The following MAPK4 variants were observed in gnomAD, a reference collection of about 807,000 sequenced individuals.
MAPK4 encodes the protein mitogen-activated protein kinase 4.
In MAPK4, 22 loss-of-function variants were observed where a neutral mutation model predicts 47.7. The ratio of observed to expected loss-of-function variants is 0.46; its 90% CI spans 0.33 to 0.66. MAPK4 has a LOEUF of 0.66. Among genes scored for constraint, MAPK4 ranks in the 30% least tolerant of loss-of-function variants. The pLI, the probability that MAPK4 is intolerant of heterozygous loss-of-function variation, is 0.02. For synonymous variants in MAPK4, 390 were observed against 365.7 expected (o/e 1.07, Z -0.76); for missense variants, 736 against 831.7 (o/e 0.88, Z 1.42).
intron 2 of MAPK4, among the ~76,000 whole-genome samples, chr18:50,683,928 C>T (rs1250330482): frequency 6.6e-6 from 1 of 152,090 alleles, no homozygotes. Context: ...CGTCTGATCA[C>T]CATCCATGCT....
chr18:50,654,846 C>G (rs985282565), intron 1 of MAPK4, among the ~76,000 whole-genome samples: 1 of 152,228 alleles, frequency 6.6e-6, no homozygotes, highest in Admixed American at 6.5e-5. Flanking sequence ...GAATTTCTCT[C>G]CGTGCTATTT....
In MAPK4 at chr18:50,664,378, C is replaced by A; in HGVS notation, c.420C>A (p.Ile140=). The change falls in exon 2 of 6, where the codon ATC becomes ATA. Residue 140 remains isoleucine, a synonymous_variant. Transcript: ENST00000400384. This position sits in a 1 kb window ranked among gnomAD's most constrained non-coding sequence, Gnocchi z 6.0. ...AGCTGCTCCGCGGGCTCAAGTACATCCACTCCGCCAACGTGCTGCACAGGG... is the reference window on the plus strand; with the variant it reads ...AGCTGCTCCGCGGGCTCAAGTACATACACTCCGCCAACGTGCTGCACAGGG... ...MYQLLRGLKY[I]HSANVLHRDL... 1 of 1,614,026 alleles carries A rather than the reference C, an allele frequency of 6.2e-7. No individual in the cohort carries two copies. The highest frequency in any genetic ancestry group is 8.5e-7 in the Non-Finnish European group (1 of 1,180,030).
chr18:50,676,086 T>C (rs1465958710), intron 2 of MAPK4, among the ~76,000 whole-genome samples: 1 of 152,232 alleles, frequency 6.6e-6, no homozygotes, highest in East Asian at 1.9e-4. Context: ...AACTAACTTC[T>C]GTTAGCTCTG....
At chr18:50,615,156 G>C (rs2042673273) in intron 1 of MAPK4, among the ~76,000 whole-genome samples, 1 of 152,182 alleles carries the variant, frequency 6.6e-6, no homozygotes, top group South Asian at 2.1e-4. Flanking sequence ...GCCCAGCACT[G>C]GGTCCTGAGC....
chr18:50,729,009 C>T (rs1242727987), intron 5 of MAPK4, 149 bp from the exon 6 acceptor site: 13 of 672,284 alleles, frequency 1.9e-5, no homozygotes. Context: ...CCCCAAGGCT[C>T]GCCATTACCT....
chr18:50,683,450 TGG>T (rs553071317), intron 2 of MAPK4, among the ~76,000 whole-genome samples: 1,436 of 119,482 alleles, frequency 0.012, 29 homozygotes, highest in African/African-American at 0.045. Flanking sequence ...TTATTGGTGA[TGG>T]GGTGTGTGTG....
At position 50,678,896 on chromosome 18, in the gene MAPK4, G is replaced by A. The variant is rs904093156; in HGVS notation, c.546+14392G>A. 1.3e-5 allele frequency among the ~76,000 whole-genome samples: 2 copies of A among 152,116 alleles called. No individual in the cohort carries two copies. Among genetic ancestry groups the A allele is most frequent in the Admixed American group, 6.5e-5 (1 of 15,272 alleles). On this transcript the variant is annotated intron_variant, in intron 2 of 5. Coordinates refer to ENST00000400384, the MANE Select transcript of MAPK4 (RefSeq NM_002747.4). This position sits in a 1 kb window ranked among gnomAD's most constrained non-coding sequence, Gnocchi z 4.2. ...GATGACACGGCCAGCAGGTTTTCTG[G>A]GGTATGGGAGACTTGAGGGTATGGT...
intron 3 of MAPK4, among the ~76,000 whole-genome samples, chr18:50,717,742 G>A (rs187118786): frequency 2.3e-4 from 35 of 152,300 alleles, no homozygotes; most frequent in Non-Finnish European, 7.4e-5. Context: ...ACGGGGAGCC[G>A]ACAATCTCAG....
At chr18:50,650,040 C>G (rs570335499) in intron 1 of MAPK4, among the ~76,000 whole-genome samples, 1 of 152,336 alleles carries the variant, frequency 6.6e-6, no homozygotes, top group Admixed American at 6.5e-5. Flanking sequence ...AATCCAGTTC[C>G]TGTCCTGGAC....
intron 1 of MAPK4, among the ~76,000 whole-genome samples, chr18:50,589,097 A>T (rs2042413210): frequency 6.6e-6 from 1 of 152,202 alleles, no homozygotes. Context: ...CCAAGGTGAA[A>T]ATATGGTTGA....
chr18:50,725,872 C>T (rs1911162903), intron 4 of MAPK4, 90 bp from the exon 5 acceptor site: 2 of 1,050,398 alleles, frequency 1.9e-6, no homozygotes, highest in East Asian at 2.4e-5. Context: ...AGCACAGACA[C>T]CAGCACAGAA....
At chr18:50,626,316 G>A (rs948327123) in intron 1 of MAPK4, among the ~76,000 whole-genome samples, 2 of 152,182 alleles carry the variant, frequency 1.3e-5, no homozygotes, top group African/African-American at 4.8e-5. Flanking sequence ...ATCTCTGAAC[G>A]TGAGGTCTGT....
At chr18:50,697,302 C>T (rs1909564746) in intron 2 of MAPK4, among the ~76,000 whole-genome samples, 1 of 152,198 alleles carries the variant, frequency 6.6e-6, no homozygotes, top group East Asian at 1.9e-4. Context: ...AACAGCAAAC[C>T]TACCGGCGTA....
chr18:50,570,281 A>G (rs1356637739), intron 1 of MAPK4, among the ~76,000 whole-genome samples: 1 of 152,214 alleles, frequency 6.6e-6, no homozygotes, highest in African/African-American at 2.4e-5. Context: ...ATGTAGATAT[A>G]TTTCCCTGCA....
At chr18:50,606,717 A>G (rs535542835) in intron 1 of MAPK4, among the ~76,000 whole-genome samples, 383 of 152,328 alleles carry the variant, frequency 2.5e-3, no homozygotes, top group African/African-American at 8.9e-3. Flanking sequence ...CAACTACTCA[A>G]CTTTGCTGTT....
chr18:50,724,150 C>T (rs1568099143), intron 4 of MAPK4, among the ~76,000 whole-genome samples: 1 of 152,124 alleles, frequency 6.6e-6, no homozygotes, highest in Non-Finnish European at 1.5e-5. Context: ...TAGCTGGCAC[C>T]ACAAGCATGC....
chr18:50,651,842 GAA>G (rs1360665748), intron 1 of MAPK4, among the ~76,000 whole-genome samples: 1 of 152,176 alleles, frequency 6.6e-6, no homozygotes, highest in Non-Finnish European at 1.5e-5. Context: ...AACTCTCACA[GAA>G]AAGAAACTCA....
chr18:50,616,442 G>C (rs1287761060), intron 1 of MAPK4, among the ~76,000 whole-genome samples: 1 of 152,114 alleles, frequency 6.6e-6, no homozygotes, highest in African/African-American at 2.4e-5. Context: ...ATATTTAAGA[G>C]GGCTTGTATT....
At chr18:50,592,303 G>A (rs1177607059) in intron 1 of MAPK4, among the ~76,000 whole-genome samples, 2 of 152,136 alleles carry the variant, frequency 1.3e-5, no homozygotes, top group Non-Finnish European at 2.9e-5. Flanking sequence ...TACTTGAGGG[G>A]CAAGGAGTTT....
Sources: gnomAD v4.1 joint callset for allele counts (sites outside exome capture counted in the v4.1 genomes callset) on GRCh38, gnomAD v4.1.1 for gene constraint, Gnocchi (gnomAD v3.1) non-coding constraint, MANE v1.5 for transcripts, NCBI Gene and HGNC (gene_info 2026-07-23, HGNC 2026-07-21) for gene names.